The following SEC63 variants were observed in gnomAD, a reference collection of about 807,000 sequenced individuals.
SEC63 encodes translocation protein SEC63 homolog.
A neutral mutation model predicts 116.2 loss-of-function variants in SEC63; 56 were observed. That is an observed-to-expected ratio of 0.48 (90% CI 0.39 to 0.60). The LOEUF is 0.60. Ranked by LOEUF, SEC63 falls within the 20% of genes least tolerant of loss-of-function variation. SEC63 has a pLI of 0.00. For missense variants in SEC63, 668 were observed against 900.0 expected, an observed-to-expected ratio of 0.74 and a Z score of 3.30; for synonymous variants, 273 against 294.6, an observed-to-expected ratio of 0.93 and a Z score of 0.75.
intron 1 of SEC63, 198 bp downstream of exon 1, chr6:107,957,688 T>C (rs1770738067): frequency 4.9e-6 from 2 of 407,394 alleles, no homozygotes; most frequent in East Asian, 8.8e-5. Context: ...CTGAGGACAA[T>C]GAAGGGAGGT....
chr6:107,932,146 C>A, intron 1 of SEC63: 1 of 171,870 alleles, frequency 5.8e-6, no homozygotes, highest in Non-Finnish European at 1.2e-5. Context: ...ACTGGCATGG[C>A]CAAGGTAAAC....
chr6:107,953,766 G>A (rs1159856073), intron 1 of SEC63, among the ~76,000 whole-genome samples: 9 of 142,334 alleles, frequency 6.3e-5, no homozygotes, highest in Non-Finnish European at 1.1e-4. Flanking sequence ...CCCCCCGCCC[G>A]GCCAGCCGCC....
At chr6:107,951,476 A>G (rs1770577713) in intron 1 of SEC63, among the ~76,000 whole-genome samples, 1 of 152,216 alleles carries the variant, frequency 6.6e-6, no homozygotes, top group Non-Finnish European at 1.5e-5. Context: ...TGTTGTTGTT[A>G]GCAAAGAGCA....
intron 7 of SEC63, among the ~76,000 whole-genome samples, chr6:107,910,258 G>C (rs1328314773): frequency 1.3e-5 from 2 of 152,094 alleles, no homozygotes; most frequent in Non-Finnish European, 2.9e-5. Flanking sequence ...TTGAGCCCAG[G>C]AGTTTAAGAC....
chr6:107,914,852 C>T (rs937614823), intron 4 of SEC63, among the ~76,000 whole-genome samples: 1 of 152,096 alleles, frequency 6.6e-6, no homozygotes, highest in Non-Finnish European at 1.5e-5. Flanking sequence ...GTCCTCTATA[C>T]AATACTCCCA....
chr6:107,904,541 G>A (rs1787097500), intron 11 of SEC63, 88 bp downstream of exon 11: 1 of 981,704 alleles, frequency 1.0e-6, no homozygotes, highest in Admixed American at 1.7e-5. Context: ...ACAGAAGTCT[G>A]AGTACCCATA....
chr6:107,938,247 ATT>A lies in SEC63; in HGVS notation c.125-8735_125-8734del, dbSNP rs4028676. The stretch of plus-strand genomic sequence containing the variant: ...TAATATATTTCATCCTGGTGAGTTA[ATT>A]TTTTTTTTTTTTTTTTGAGACAGGG... On this transcript the variant is annotated intron_variant, in intron 1 of 20. Transcript: ENST00000369002. 3.8e-3 allele frequency among the ~76,000 whole-genome samples: 515 copies of A among 133,958 alleles called. 2 individuals carry two copies. The highest frequency in any genetic ancestry group is 0.013 in the African/African-American group (464 of 35,846). The allele number at this position is 133,958 out of a possible 152,430, so 87.9% of individuals were successfully genotyped here. A position where few individuals can be genotyped will look rare whatever the true frequency, so the allele number is the denominator to read the frequency against.
Position 107,870,568 on chromosome 6 carries a change from C to T in SEC63, c.*1136G>A, listed in dbSNP as rs745778550. On this transcript the variant is annotated 3_prime_UTR_variant, in exon 21 of 21. Transcript: ENST00000369002. ...ATGATTCATCATGTACACATCTCTACTCTTTACAAGCACTATCCTTCCAGT... is the reference window on the plus strand; with the variant it reads ...ATGATTCATCATGTACACATCTCTATTCTTTACAAGCACTATCCTTCCAGT... The T allele has an allele frequency of 6.6e-6, 1 of 152,390 alleles. No homozygotes were observed. The highest frequency in any genetic ancestry group is 1.5e-5 in the Non-Finnish European group (1 of 68,036). 9.4% of individuals were successfully genotyped at this position (152,390 alleles called of 1,614,324 possible).
chr6:107,874,198 G>A (rs1786197809), intron 19 of SEC63, among the ~76,000 whole-genome samples: 1 of 152,092 alleles, frequency 6.6e-6, no homozygotes, highest in African/African-American at 2.4e-5. Flanking sequence ...AAAACACAAA[G>A]ATGAATAATG....
intron 18 of SEC63, among the ~76,000 whole-genome samples, chr6:107,879,736 T>C (rs1786368801): frequency 1.3e-5 from 2 of 151,210 alleles, no homozygotes; most frequent in South Asian, 4.2e-4. Context: ...TTTTTTTTTT[T>C]TTTTTTGAGA....
chr6:107,902,265 T>A (rs1787022115), intron 12 of SEC63, among the ~76,000 whole-genome samples: 1 of 152,102 alleles, frequency 6.6e-6, no homozygotes, highest in South Asian at 2.1e-4. Flanking sequence ...AATTCTACAT[T>A]AATATACTAT....
intron 1 of SEC63, chr6:107,955,879 T>C (rs1770700862): frequency 4.6e-6 from 1 of 215,546 alleles, no homozygotes; most frequent in Admixed American, 5.8e-5. Context: ...TGAGACTCTG[T>C]CTCTAAATAA....
chr6:107,945,343 G>C lies in SEC63; in HGVS notation c.124+12543C>G, dbSNP rs183426795. ...TTGTTTTGAGACAGAGTCTCACTCT[G>C]TCGCCCAGGCTGGAGTGCAATGGTG... On this transcript the variant is annotated intron_variant, in intron 1 of 20. Coordinates refer to ENST00000369002, the MANE Select transcript of SEC63 (RefSeq NM_007214.5). 8.1e-3 allele frequency among the ~76,000 whole-genome samples: 1,150 copies of C among 142,512 alleles called. 8 individuals carry two copies. The highest frequency in any genetic ancestry group is 0.013 in the Non-Finnish European group (880 of 66,300). The allele number at this position is 142,512 out of a possible 152,430, so 93.5% of individuals were successfully genotyped here.
chr6:107,893,694 A>G (rs1178813719), intron 15 of SEC63, 39 bp from the exon 16 acceptor site: 3 of 1,611,368 alleles, frequency 1.9e-6, no homozygotes, highest in Non-Finnish European at 1.7e-6. Context: ...AGTTATAGCA[A>G]CAGATTCAAT....
In SEC63 at chr6:107,934,568, G is replaced by A. The variant is rs554534799; in HGVS notation, c.125-5054C>T. Reference sequence around the variant, plus strand: ...AGCCCCTACGCCTGGCAGCCACCCCGTCTGGGAAGTGAGGAGCGTCTCCGC... The same window carrying A: ...AGCCCCTACGCCTGGCAGCCACCCCATCTGGGAAGTGAGGAGCGTCTCCGC... On this transcript the variant is annotated intron_variant, in intron 1 of 20. Transcript: ENST00000369002. Among the ~76,000 whole-genome samples the A allele has an allele frequency of 3.8e-3, 548 of 142,428 alleles. 2 individuals are homozygous for A. Among genetic ancestry groups the A allele is most frequent in the African/African-American group, 0.011 (432 of 38,046 alleles). The allele number at this position is 142,428 out of a possible 152,430, so 93.4% of individuals were successfully genotyped here.
At chr6:107,890,059 C>T (rs1187483376) in intron 16 of SEC63, among the ~76,000 whole-genome samples, 5 of 152,176 alleles carry the variant, frequency 3.3e-5, no homozygotes, top group Middle Eastern at 6.8e-3. Context: ...TGTATTCTGT[C>T]GATTTGGGCT....
At chr6:107,925,502 T>C (rs780802199) in intron 2 of SEC63, among the ~76,000 whole-genome samples, 5 of 152,212 alleles carry the variant, frequency 3.3e-5, no homozygotes, top group Non-Finnish European at 7.4e-5. Flanking sequence ...TAAATAGTTA[T>C]AGAAGGATGT....
chr6:107,883,496 G>T (rs1214995006), intron 16 of SEC63: 1 of 232,382 alleles, frequency 4.3e-6, no homozygotes, highest in Non-Finnish European at 8.5e-6. Flanking sequence ...GTAGTTTATA[G>T]AAAAGTATAA....
chr6:107,876,670 C>CAA lies in SEC63; in HGVS notation c.1936-10_1936-9dup, dbSNP rs749125299. On this transcript the variant is annotated splice_polypyrimidine_tract_variant and intron_variant, in intron 18 of 20. Transcript: ENST00000369002. The stretch of plus-strand genomic sequence containing the variant: ...CCACCATTCTTGTTTTTCCTGGAAA[C>CAA]AAAAAAAAAAAAAAAAAAAGAAGAG... 103,704 of 729,072 alleles carry CAA rather than the reference C, an allele frequency of 0.14. 2,202 individuals are homozygous for CAA. The highest frequency in any genetic ancestry group is 0.17 in the African/African-American group (7,606 of 44,376). 45.2% of individuals were successfully genotyped at this position (729,072 alleles called of 1,614,324 possible).
Sources: gnomAD v4.1 joint callset for allele counts (sites outside exome capture counted in the v4.1 genomes callset) on GRCh38, gnomAD v4.1.1 for gene constraint, MANE v1.5 for transcripts, NCBI Gene and HGNC (gene_info 2026-07-23, HGNC 2026-07-21) for gene names.